The following EFCAB5 variants were observed in gnomAD, a reference collection of about 807,000 sequenced individuals.
The protein encoded by EFCAB5 is EF-hand calcium binding domain 5.
A neutral mutation model predicts 167.9 loss-of-function variants in EFCAB5; 131 were observed. The observed-to-expected ratio is 0.78, with a 90% CI of 0.68 to 0.90. The LOEUF is 0.90. Ranked by LOEUF, EFCAB5 falls within the 40% of genes least tolerant of loss-of-function variation. The pLI is 0.00. For synonymous variants in EFCAB5, 574 were observed against 602.8 expected (o/e 0.95, Z 0.70); for missense variants, 1,663 against 1,745.2 (o/e 0.95, Z 0.84).
chr17:30,027,725 G>A (rs528280453), intron 7 of EFCAB5, among the ~76,000 whole-genome samples: 3 of 152,184 alleles, frequency 2.0e-5, no homozygotes, highest in African/African-American at 7.2e-5. Context: ...CAGGCAAAGT[G>A]AGGCACTTGG....
At chr17:30,070,994 A>G (rs1268621838) in intron 14 of EFCAB5, among the ~76,000 whole-genome samples, 1 of 150,076 alleles carries the variant, frequency 6.7e-6, no homozygotes, top group African/African-American at 2.4e-5. Flanking sequence ...TTTAAAATGG[A>G]TCAAAGACTT....
At chr17:30,057,569 C>A in intron 12 of EFCAB5, 107 bp from the exon 13 acceptor site, 2 of 904,472 alleles carry the variant, frequency 2.2e-6, no homozygotes, top group Non-Finnish European at 3.4e-6. Context: ...AGCATGGATT[C>A]CTGACAGTCA....
intron 3 of EFCAB5, among the ~76,000 whole-genome samples, chr17:29,946,479 C>T (rs1188935799): frequency 1.4e-5 from 2 of 144,802 alleles, no homozygotes; most frequent in Non-Finnish European, 3.0e-5. Flanking sequence ...CTCTGTCACC[C>T]AGGCTGGAGT....
At chr17:30,044,750 A>C (rs1343354560) in intron 8 of EFCAB5, among the ~76,000 whole-genome samples, 1 of 152,216 alleles carries the variant, frequency 6.6e-6, no homozygotes, top group African/African-American at 2.4e-5. Context: ...TACACTTACT[A>C]TATGACCTAT....
intron 6 of EFCAB5, among the ~76,000 whole-genome samples, chr17:29,997,649 A>G (rs907905298): frequency 6.6e-6 from 1 of 152,110 alleles, no homozygotes; most frequent in Non-Finnish European, 1.5e-5. Flanking sequence ...CCACAGCAAA[A>G]TTATATTCTG....
At chr17:29,987,295 G>A (rs1006871939) in intron 4 of EFCAB5, among the ~76,000 whole-genome samples, 7 of 152,116 alleles carry the variant, frequency 4.6e-5, no homozygotes, top group Non-Finnish European at 8.8e-5. Context: ...GTCTGCAACC[G>A]GTGGGTCTTT....
intron 10 of EFCAB5, 74 bp downstream of exon 10, chr17:30,054,222 C>T: frequency 6.9e-7 from 1 of 1,452,166 alleles, no homozygotes; most frequent in Non-Finnish European, 9.1e-7. Flanking sequence ...TCAGAAAACA[C>T]TCATTTAAGT....
intron 10 of EFCAB5, among the ~76,000 whole-genome samples, chr17:30,054,888 T>C (rs2070208130): frequency 6.6e-6 from 1 of 152,244 alleles, no homozygotes; most frequent in Admixed American, 6.5e-5. Context: ...GTTGCAGTAC[T>C]CTTGTTCAAG....
intron 7 of EFCAB5, among the ~76,000 whole-genome samples, chr17:30,031,448 A>G (rs537878996): frequency 1.3e-5 from 2 of 152,322 alleles, no homozygotes; most frequent in Non-Finnish European, 2.9e-5. Context: ...AGGACTGTTT[A>G]TTTAATGAAG....
intron 4 of EFCAB5, among the ~76,000 whole-genome samples, chr17:29,975,119 A>C (rs2068038345): frequency 6.6e-6 from 1 of 151,996 alleles, no homozygotes; most frequent in Admixed American, 6.6e-5. Flanking sequence ...GCCATACAAA[A>C]CCAGTCAGTG....
At chr17:30,078,181 G>A (rs1178733357) in intron 14 of EFCAB5, 34 bp from the exon 15 acceptor site, 2 of 1,569,934 alleles carry the variant, frequency 1.3e-6, no homozygotes, top group African/African-American at 2.7e-5. Flanking sequence ...GTGAACTTTT[G>A]GTTAGTTCTT....
At chr17:30,076,714 C>G (rs2070875474) in intron 14 of EFCAB5, among the ~76,000 whole-genome samples, 1 of 152,170 alleles carries the variant, frequency 6.6e-6, no homozygotes, top group African/African-American at 2.4e-5. Context: ...TTATAACTGT[C>G]AAAGAATCTT....
In EFCAB5 at chr17:30,107,847, T is replaced by C. The variant is rs1742949733; in HGVS notation, c.4335T>C (p.Thr1445=). The part of the protein sequence containing the change: ...IDEYIRDHSR[T]EVWKFGNVVI... The stretch of plus-strand genomic sequence containing the variant: ...TTCCTGATGCAGATCATTCCCGAAC[T>C]GAAGTATGGAAATTTGGTAATGTTG... Residue 1445 remains threonine (T), a synonymous_variant, in exon 23 of 23, where the codon ACT becomes ACC. Transcript: ENST00000394835. The C allele has an allele frequency of 1.3e-6, 2 of 1,572,898 alleles. No individual in the cohort carries two copies. Among genetic ancestry groups the C allele is most frequent in the African/African-American group, 1.4e-5 (1 of 72,556 alleles).
At chr17:29,991,768 A>G (rs1169911067) in intron 4 of EFCAB5, among the ~76,000 whole-genome samples, 2 of 152,192 alleles carry the variant, frequency 1.3e-5, no homozygotes, top group Admixed American at 6.5e-5. Flanking sequence ...CCTGAAATCA[A>G]TCCCTTCAGA....
At chr17:30,054,751 T>G (rs2070204969) in intron 10 of EFCAB5, among the ~76,000 whole-genome samples, 1 of 152,172 alleles carries the variant, frequency 6.6e-6, no homozygotes, top group Non-Finnish European at 1.5e-5. Context: ...AATTCATACA[T>G]TTTTAACTGT....
At chr17:30,014,980 G>C (rs2068997719) in intron 7 of EFCAB5, among the ~76,000 whole-genome samples, 3 of 152,140 alleles carry the variant, frequency 2.0e-5, no homozygotes, top group African/African-American at 7.2e-5. Flanking sequence ...AGGAGCTCTT[G>C]TAAGGCAGGC....
At chr17:30,076,373 A>G (rs904209636) in intron 14 of EFCAB5, among the ~76,000 whole-genome samples, 7 of 152,268 alleles carry the variant, frequency 4.6e-5, no homozygotes, top group Admixed American at 2.0e-4. Context: ...CTCTAGAACT[A>G]TGAGTGGAAC....
rs115143128 is a variant in EFCAB5, at chr17:30,005,922, T to C, written c.1044+5946T>C. 5.0e-3 allele frequency among the ~76,000 whole-genome samples: 769 copies of C among 152,346 alleles called. 12 individuals are homozygous for C. The highest frequency in any genetic ancestry group is 0.017 in the African/African-American group (725 of 41,582). On this transcript the variant is annotated intron_variant, in intron 7 of 22. Coordinates refer to ENST00000394835, the MANE Select transcript of EFCAB5 (RefSeq NM_198529.4). ...ATTCCTTTCTGCTGACTCCAAGTTT[T>C]AGACAGAGCCTTACTCCTTTAAACA...
intron 22 of EFCAB5, among the ~76,000 whole-genome samples, chr17:30,096,677 A>ATTTT (rs71278522): frequency 4.2e-4 from 25 of 60,118 alleles, no homozygotes; most frequent in African/African-American, 8.4e-4. Context: ...ATATATATAT[A>ATTTT]TTTTTTTTTT....
Sources: allele counts gnomAD v4.1 joint callset (sites outside exome capture counted in the v4.1 genomes callset), GRCh38; gene constraint gnomAD v4.1.1; transcripts MANE v1.5; gene names NCBI Gene and HGNC (gene_info 2026-07-23, HGNC 2026-07-21).